The following FGD4 variants were observed in gnomAD, a reference collection of about 807,000 sequenced individuals.
FGD4 encodes FYVE, RhoGEF and PH domain containing 4.
Under a neutral mutation model 102.0 loss-of-function variants are expected in FGD4, and 42 were observed. The observed-to-expected ratio is 0.41, with a 90% CI of 0.32 to 0.53. The LOEUF (loss-of-function observed/expected upper bound fraction) is 0.53, where lower values mean the gene tolerates loss of function less well. FGD4 is among the 20% of genes least tolerant of loss of function. FGD4 has a pLI of 0.21. For synonymous variants in FGD4, 380 were observed against 375.7 expected (o/e 1.01, Z -0.13); for missense variants, 902 against 1,078.2 (o/e 0.84, Z 2.29).
chr12:32,440,598 A>G lies in FGD4; in HGVS notation c.166+40639A>G, dbSNP rs145347959. ...CTGAACCCCTGTGGCCACTACCACT[A>G]TGACTACACGGCGTCAGACTTGAAG... On this transcript the variant is annotated intron_variant, in intron 1 of 16. Coordinates refer to ENST00000534526, the MANE Select transcript of FGD4 (RefSeq NM_001370298.3). 1.6e-3 allele frequency among the ~76,000 whole-genome samples: 237 copies of G among 152,298 alleles called. 2 individuals are homozygous for G. Among genetic ancestry groups the G allele is most frequent in the African/African-American group, 5.2e-3 (217 of 41,572 alleles).
intron 1 of FGD4, among the ~76,000 whole-genome samples, chr12:32,439,312 C>T (rs1427193171): frequency 1.3e-5 from 2 of 152,106 alleles, no homozygotes; most frequent in East Asian, 1.9e-4. Flanking sequence ...TTTTAAAGGC[C>T]GAATAGTATT....
intron 1 of FGD4, chr12:32,534,370 T>A: frequency 6.8e-7 from 1 of 1,467,988 alleles, no homozygotes; most frequent in Non-Finnish European, 9.0e-7. Context: ...ATCTTCAGCC[T>A]CCCTGAAGCT....
chr12:32,609,680 A>G (rs910115399), intron 8 of FGD4, among the ~76,000 whole-genome samples: 3 of 127,306 alleles, frequency 2.4e-5, no homozygotes, highest in Admixed American at 7.8e-5. Context: ...TTCCAAGGAA[A>G]TCACAGAAGA....
At chr12:32,430,731 T>C (rs1942017473) in intron 1 of FGD4, among the ~76,000 whole-genome samples, 1 of 152,234 alleles carries the variant, frequency 6.6e-6, no homozygotes, top group African/African-American at 2.4e-5. Context: ...CCCACTCTTT[T>C]AACATCTTAG....
At chr12:32,474,563 G>T (rs1260250155) in intron 1 of FGD4, among the ~76,000 whole-genome samples, 1 of 152,146 alleles carries the variant, frequency 6.6e-6, no homozygotes, top group Non-Finnish European at 1.5e-5. Flanking sequence ...AAAGATTAGC[G>T]TTGCTTAGGC....
chr12:32,412,924 T>TTTTTTA (rs1941265777), intron 1 of FGD4, among the ~76,000 whole-genome samples: 1 of 138,038 alleles, frequency 7.2e-6, no homozygotes, highest in South Asian at 2.3e-4. Flanking sequence ...TTTTTTTTTT[T>TTTTTTA]AATTAGCCAG....
intron 1 of FGD4, among the ~76,000 whole-genome samples, chr12:32,522,316 ATTTAGGGTATCT>A (rs1384613274): frequency 6.6e-6 from 1 of 152,136 alleles, no homozygotes; most frequent in Non-Finnish European, 1.5e-5. Context: ...TCCTCGTTAT[ATTTAGGGTATCT>A]TTTCTTTCCA....
At chr12:32,444,450 G>T (rs1942553200) in intron 1 of FGD4, among the ~76,000 whole-genome samples, 1 of 151,982 alleles carries the variant, frequency 6.6e-6, no homozygotes, top group African/African-American at 2.4e-5. Flanking sequence ...TGTTGCTCAG[G>T]CTGGAGTGCA....
intron 4 of FGD4, among the ~76,000 whole-genome samples, chr12:32,588,848 C>A (rs982333000): frequency 2.0e-5 from 3 of 152,124 alleles, no homozygotes; most frequent in African/African-American, 7.2e-5. Flanking sequence ...GCTTAGAGGT[C>A]ACAGCGTGTA....
intron 1 of FGD4, among the ~76,000 whole-genome samples, chr12:32,448,385 G>A (rs1349201541): frequency 6.6e-6 from 1 of 151,948 alleles, no homozygotes; most frequent in African/African-American, 2.4e-5. Context: ...GGCTGGGCGC[G>A]GGTAGCTCAC....
At chr12:32,576,530 T>A in intron 3 of FGD4, 81 bp downstream of exon 3, 1 of 1,466,244 alleles carries the variant, frequency 6.8e-7, no homozygotes, top group Non-Finnish European at 9.5e-7. Context: ...AGATACATTC[T>A]AAATAAAAAG....
intron 1 of FGD4, among the ~76,000 whole-genome samples, chr12:32,410,327 CAAAA>C (rs571141498): frequency 2.2e-5 from 3 of 137,882 alleles, no homozygotes; most frequent in African/African-American, 8.1e-5. Context: ...GATTCCGTCT[CAAAA>C]AAAAAAAAAT....
Position 32,530,941 on chromosome 12 carries a change from G to GTTTTTTTTTTTTTTT in FGD4, c.167-33181_167-33167dup, listed in dbSNP as rs768536136. On this transcript the variant is annotated intron_variant, in intron 1 of 16. Transcript: ENST00000534526. ...TATGACAATCAGTTTCCTAGCTTTG[G>GTTTTTTTTTTTTTTT]TTTTTTTTTTTTTTTTTTTTTTTTT... Among the ~76,000 whole-genome samples, 29 of 70,476 alleles carry GTTTTTTTTTTTTTTT rather than the reference G, an allele frequency of 4.1e-4. 7 individuals are homozygous for GTTTTTTTTTTTTTTT. The highest frequency in any genetic ancestry group is 1.6e-3 in the African/African-American group (23 of 14,490). The allele number at this position is 70,476 out of a possible 152,430, so 46.2% of individuals were successfully genotyped here. A position where few individuals can be genotyped will look rare whatever the true frequency, so the allele number is the denominator to read the frequency against.
At chr12:32,631,708 G>T (rs1246833366) in intron 14 of FGD4, among the ~76,000 whole-genome samples, 1 of 152,014 alleles carries the variant, frequency 6.6e-6, no homozygotes, top group Admixed American at 6.6e-5. Context: ...GTTTCACCAT[G>T]CTGGCCAGGC....
chr12:32,408,400 CA>C (rs1941045371), intron 1 of FGD4, among the ~76,000 whole-genome samples: 1 of 152,120 alleles, frequency 6.6e-6, no homozygotes, highest in Non-Finnish European at 1.5e-5. Context: ...CTCTCAACCT[CA>C]GGTGATCCGC....
chr12:32,509,745 C>T (rs971457337), intron 1 of FGD4, among the ~76,000 whole-genome samples: 1 of 152,158 alleles, frequency 6.6e-6, no homozygotes, highest in Non-Finnish European at 1.5e-5. Flanking sequence ...GCAATAAATT[C>T]ATCCAGGCCT....
chr12:32,574,347 T>G (rs1433330246), intron 2 of FGD4, among the ~76,000 whole-genome samples: 10 of 141,484 alleles, frequency 7.1e-5, no homozygotes, highest in Admixed American at 1.5e-4. Flanking sequence ...TTTTTTTTTT[T>G]GGGTGGGAGA....
chr12:32,556,582 C>T lies in FGD4; in HGVS notation c.167-7555C>T, dbSNP rs12299432. Among the ~76,000 whole-genome samples, 866 of 152,220 alleles carry T rather than the reference C, an allele frequency of 5.7e-3. 7 individuals carry two copies. Among genetic ancestry groups the T allele is most frequent in the African/African-American group, 0.017 (722 of 41,564 alleles). ...GCATATGATAGAATTTCCTGCTGGG[C>T]GCAGTGGCTCACACCTGTAATCCCA... On this transcript the variant is annotated intron_variant, in intron 1 of 16. Coordinates refer to ENST00000534526, the MANE Select transcript of FGD4 (RefSeq NM_001370298.3).
intron 1 of FGD4, among the ~76,000 whole-genome samples, chr12:32,415,414 C>CTTTTT (rs34612851): frequency 2.2e-5 from 2 of 89,610 alleles, no homozygotes; most frequent in Non-Finnish European, 4.0e-5. Flanking sequence ...ATCTGTCTCT[C>CTTTTT]TTTTTTTTTT....
Sources: gnomAD v4.1 joint callset for allele counts (sites outside exome capture counted in the v4.1 genomes callset) on GRCh38, gnomAD v4.1.1 for gene constraint, MANE v1.5 for transcripts, NCBI Gene and HGNC (gene_info 2026-07-23, HGNC 2026-07-21) for gene names.